Variants in CHMP6 observed in about 807,000 individuals in gnomAD.
CHMP6 encodes the protein charged multivesicular body protein 6.
CHMP6 carries 10 observed loss-of-function variants against 32.8 expected under a neutral mutation model. That is an observed-to-expected ratio of 0.30 (90% CI 0.19 to 0.52). The LOEUF (loss-of-function observed/expected upper bound fraction) is 0.52, where lower values mean the gene tolerates loss of function less well. Ranked by LOEUF, CHMP6 falls within the 20% of genes least tolerant of loss-of-function variation. The pLI is 0.97. For missense variants in CHMP6, 269 were observed against 263.8 expected, an observed-to-expected ratio of 1.02 and a Z score of -0.14; for synonymous variants, 123 against 105.8, an observed-to-expected ratio of 1.16 and a Z score of -1.00.
intron 5 of CHMP6, 76 bp from the exon 6 acceptor site, chr17:80,997,184 AC>A (rs1428135038): frequency 6.2e-7 from 1 of 1,601,752 alleles, no homozygotes; most frequent in Non-Finnish European, 8.5e-7. Context: ...AGGGGACGAG[AC>A]CCAGCCACAG....
chr17:80,994,206 G>A (rs751649484), intron 1 of CHMP6, among the ~76,000 whole-genome samples: 4 of 152,326 alleles, frequency 2.6e-5, no homozygotes, highest in South Asian at 2.1e-4. Flanking sequence ...GAGCCACTGC[G>A]CCCAGCCGAG....
intron 1 of CHMP6, among the ~76,000 whole-genome samples, chr17:80,992,544 G>A (rs922599894): frequency 2.4e-4 from 36 of 152,334 alleles, no homozygotes; most frequent in African/African-American, 8.7e-4. Flanking sequence ...TCCGAGGAGC[G>A]GCCGACAGGT....
chr17:80,992,206 C>T (rs1439719133), intron 1 of CHMP6, among the ~76,000 whole-genome samples: 1 of 151,378 alleles, frequency 6.6e-6, no homozygotes, highest in East Asian at 1.9e-4. Context: ...GCCGTCTTCC[C>T]CGGGGCCCGC....
chr17:80,992,128 C>G, intron 1 of CHMP6, 147 bp downstream of exon 1: 1 of 468,398 alleles, frequency 2.1e-6, no homozygotes, highest in Non-Finnish European at 3.3e-6. Flanking sequence ...GCCCCTCGGT[C>G]TCTCCGCCCT....
intron 6 of CHMP6, 110 bp downstream of exon 6, chr17:80,997,451 T>G: frequency 1.6e-6 from 1 of 638,792 alleles, no homozygotes; most frequent in Non-Finnish European, 2.5e-6. Context: ...GTCCTTTAAG[T>G]AAATAGTCTG....
chr17:80,999,188 C>T lies in CHMP6; in HGVS notation c.*35C>T, dbSNP rs2069664698. The T allele has an allele frequency of 6.2e-7, 1 of 1,610,990 alleles. No individual in the cohort carries two copies. The highest frequency in any genetic ancestry group is 1.3e-5 in the African/African-American group (1 of 74,996). ...GTCTTGTGGGACTCACGGGGATGCC[C>T]CAGGGACTGTGGCCCACAGAGAGTT... On this transcript the variant is annotated 3_prime_UTR_variant, in exon 8 of 8. Coordinates refer to ENST00000325167, the MANE Select transcript of CHMP6 (RefSeq NM_024591.5).
At chr17:80,998,069 C>T (rs998859493) in intron 6 of CHMP6, among the ~76,000 whole-genome samples, 2 of 152,222 alleles carry the variant, frequency 1.3e-5, no homozygotes, top group East Asian at 3.9e-4. Context: ...CCCTCGGTCC[C>T]TGAGAGCCAG....
intron 4 of CHMP6, 48 bp from the exon 5 acceptor site, chr17:80,996,959 A>G (rs762472848): frequency 3.2e-6 from 5 of 1,576,274 alleles, no homozygotes; most frequent in Admixed American, 3.5e-5. Flanking sequence ...TCGGGGGTCT[A>G]CCATTGGCCT....
rs781707570 is a variant in CHMP6, at chr17:80,995,755, C to G, written c.345C>G (p.His115Gln). Residue 115 changes from histidine to glutamine, a missense_variant, in exon 4 of 8, where the codon CAC (histidine) becomes CAG (glutamine). By Grantham distance (24) the His-to-Gln change is conservative. Transcript: ENST00000325167. ...QFGNECLNKM[H>Q]QVMSIEEVER... ...GAAATGAGTGTCTGAACAAGATGCA[C>G]CAGGTGAGTCTCTGCAGGGCCAGGG... is the stretch of plus-strand genomic sequence containing the variant. The G allele has an allele frequency of 3.7e-6, 6 of 1,613,770 alleles. No homozygotes were observed. The highest frequency in any genetic ancestry group is 5.1e-6 in the Non-Finnish European group (6 of 1,179,752).
chr17:80,995,064 C>T lies in CHMP6; in HGVS notation c.219C>T (p.Leu73=). The part of the protein sequence containing the change: ...LLKKKRYQEQ[L]LDRTENQISS... ...AGAAGAAGCGATACCAGGAGCAGCTCCTGGACAGGACGGAGAACCAGATCA... is the reference window on the plus strand; with the variant it reads ...AGAAGAAGCGATACCAGGAGCAGCTTCTGGACAGGACGGAGAACCAGATCA... The change falls in exon 3 of 8, where the codon CTC becomes CTT. Residue 73 remains leucine (L), a synonymous_variant. Transcript: ENST00000325167. The T allele has an allele frequency of 1.2e-6, 2 of 1,603,310 alleles. No homozygotes were observed. The highest frequency in any genetic ancestry group is 1.7e-6 in the Non-Finnish European group (2 of 1,176,522).
chr17:80,992,422 C>T (rs765638886), intron 1 of CHMP6, among the ~76,000 whole-genome samples: 66 of 152,202 alleles, frequency 4.3e-4, no homozygotes, highest in Non-Finnish European at 3.5e-4. Flanking sequence ...TCATTTGCCT[C>T]CTGGTGCCCT....
At position 80,995,659 on chromosome 17, in the gene CHMP6, G is replaced by T. The variant is rs777999714; in HGVS notation, c.262-13G>T. 26 of 1,613,496 alleles carry T rather than the reference G, an allele frequency of 1.6e-5. 2 individuals are homozygous for T. The South Asian group carries it at 2.7e-4, about 17-fold the overall frequency. ...ATCCTCAGCACCTGCGTCTGCTCTG[G>T]TTTCCTTTTCAGGTTCAGAGTATTG... On this transcript the variant is annotated splice_polypyrimidine_tract_variant and intron_variant, in intron 3 of 7. Transcript: ENST00000325167.
intron 7 of CHMP6, 54 bp downstream of exon 7, chr17:80,998,474 A>G: frequency 1.2e-6 from 2 of 1,613,326 alleles, no homozygotes; most frequent in South Asian, 2.2e-5. Flanking sequence ...AGAAAAGTGG[A>G]TTCTAGAAGG....
rs148248306 is a variant in CHMP6, at chr17:80,998,267, G to A, written c.496-99G>A. Reference sequence around the variant, plus strand: ...TCCTGTCCGCTTTAACTCCGGCTGAGAGCGGCTGACGGACAGGATCCGTGT... The same window carrying A: ...TCCTGTCCGCTTTAACTCCGGCTGAAAGCGGCTGACGGACAGGATCCGTGT... On this transcript the variant is annotated intron_variant, in intron 6 of 7. Transcript: ENST00000325167. The A allele has an allele frequency of 4.9e-3, 6,743 of 1,387,032 alleles. 25 individuals carry two copies. Among genetic ancestry groups the A allele is most frequent in the Non-Finnish European group, 5.9e-3 (5,767 of 984,124 alleles). 85.9% of individuals were successfully genotyped at this position (1,387,032 alleles called of 1,614,324 possible).
At chr17:80,996,986 A>G (rs779870899) in intron 4 of CHMP6, 21 bp from the exon 5 acceptor site, 1 of 1,608,976 alleles carries the variant, frequency 6.2e-7, no homozygotes, top group African/African-American at 1.3e-5. Flanking sequence ...AGGGGTCAAC[A>G]CCCATCACCC....
rs2069625313 is a variant in CHMP6, at chr17:80,995,038, A to C, written c.193A>C (p.Lys65Gln). The C allele has an allele frequency of 6.3e-7, 1 of 1,599,202 alleles. No individual in the cohort carries two copies. The highest frequency in any genetic ancestry group is 1.8e-5 in the Admixed American group (1 of 57,022). Residue 65 changes from lysine (K) to glutamine (Q), a missense_variant, in exon 3 of 8, where the codon AAG (lysine) becomes CAG (glutamine). Transcript: ENST00000325167. ...CTGCAGACGGGCCAAGCTGCTGCTC[A>C]AGAAGAAGCGATACCAGGAGCAGCT... ...GRKERAKLLL[K>Q]KKRYQEQLLD... is the part of the protein sequence containing the mutation.
At chr17:80,996,139 G>T (rs1287822193) in intron 4 of CHMP6, among the ~76,000 whole-genome samples, 2 of 152,094 alleles carry the variant, frequency 1.3e-5, no homozygotes, top group African/African-American at 4.8e-5. Context: ...GGCCAACATG[G>T]TGAAACCCTG....
At chr17:80,992,648 CGACTCCAGACT>C (rs930346075) in intron 1 of CHMP6, among the ~76,000 whole-genome samples, 40 of 152,274 alleles carry the variant, frequency 2.6e-4, no homozygotes, top group African/African-American at 8.7e-4. Flanking sequence ...TTGTTTGCGG[CGACTCCAGACT>C]GACCCCCCGG....
At position 80,997,356 on chromosome 17, in the gene CHMP6, G is replaced by GGGCAGTGGGACCCCCA; in HGVS notation, c.495+17_495+18insCAGTGGGACCCCCAGG. ...CAATCACTCAGGTAACGGCCCCCCC[G>GGGCAGTGGGACCCCCA]GGACTGAGCACAGTCACTCAGGCAG... On this transcript the variant is annotated intron_variant, in intron 6 of 7. Coordinates refer to ENST00000325167, the MANE Select transcript of CHMP6 (RefSeq NM_024591.5). The GGGCAGTGGGACCCCCA allele has an allele frequency of 6.7e-7, 1 of 1,485,274 alleles. No homozygotes were observed. The highest frequency in any genetic ancestry group is 9.3e-7 in the Non-Finnish European group (1 of 1,071,622). The allele number at this position is 1,485,274 out of a possible 1,614,324, so 92.0% of individuals were successfully genotyped here. A position where few individuals can be genotyped will look rare whatever the true frequency, so the allele number is the denominator to read the frequency against.
Sources: gnomAD v4.1 joint callset for allele counts (sites outside exome capture counted in the v4.1 genomes callset) on GRCh38, gnomAD v4.1.1 for gene constraint, MANE v1.5 for transcripts, NCBI Gene and HGNC (gene_info 2026-07-23, HGNC 2026-07-21) for gene names.